The following KATNAL1 variants were observed in gnomAD, a reference collection of about 807,000 sequenced individuals.
KATNAL1 encodes the protein katanin catalytic subunit A1 like 1.
In KATNAL1, 32 loss-of-function variants were observed where a neutral mutation model predicts 55.2. That is an observed-to-expected ratio of 0.58 (90% CI 0.44 to 0.78). KATNAL1 has a LOEUF of 0.78. Ranked by LOEUF, KATNAL1 falls within the 30% of genes least tolerant of loss-of-function variation. KATNAL1 has a pLI of 0.00. For missense variants in KATNAL1, 466 were observed against 600.9 expected, an observed-to-expected ratio of 0.78 and a Z score of 2.35; for synonymous variants, 193 against 193.6, an observed-to-expected ratio of 1.00 and a Z score of 0.02.
chr13:30,281,156 C>A (rs118056972), intron 2 of KATNAL1, among the ~76,000 whole-genome samples: 2,945 of 134,422 alleles, frequency 0.022, 41 homozygotes, highest in Non-Finnish European at 0.034. Flanking sequence ...AAGAAAATTA[C>A]AATTATAAAT....
intron 3 of KATNAL1, among the ~76,000 whole-genome samples, chr13:30,263,901 A>G (rs1879520964): frequency 6.7e-6 from 1 of 150,290 alleles, no homozygotes; most frequent in Non-Finnish European, 1.5e-5. Flanking sequence ...GAACCAAAAA[A>G]GAGCCCACAT....
intron 4 of KATNAL1, among the ~76,000 whole-genome samples, chr13:30,248,154 G>T (rs1259050802): frequency 6.6e-6 from 1 of 152,106 alleles, no homozygotes; most frequent in African/African-American, 2.4e-5. Flanking sequence ...TCTAAGAAAA[G>T]TATGTGTATT....
chr13:30,301,454 ATTG>A (rs1342143372), intron 1 of KATNAL1, among the ~76,000 whole-genome samples: 2 of 152,258 alleles, frequency 1.3e-5, no homozygotes. Flanking sequence ...AGCGATGTTT[ATTG>A]AATGCTAACT....
intron 3 of KATNAL1, among the ~76,000 whole-genome samples, chr13:30,268,282 A>G (rs1879937555): frequency 6.6e-6 from 1 of 152,208 alleles, no homozygotes; most frequent in South Asian, 2.1e-4. Context: ...AACATTCTCA[A>G]CTTTACCACA....
At chr13:30,272,429 C>G (rs184115234) in intron 3 of KATNAL1, among the ~76,000 whole-genome samples, 1 of 151,908 alleles carries the variant, frequency 6.6e-6, no homozygotes. Context: ...AAAAAAGGGG[C>G]AGTGAAGGGC....
In KATNAL1 at chr13:30,227,472, C is replaced by G; in HGVS notation, c.1087G>C (p.Asp363His). The G allele has an allele frequency of 1.9e-6, 3 of 1,613,846 alleles. No individual in the cohort carries two copies. Among genetic ancestry groups the G allele is most frequent in the Non-Finnish European group, 2.5e-6 (3 of 1,179,836 alleles). ...MVLAATNFPW[D>H]IDEALRRRLE... ...CTTCTTCGCAAAGCTTCATCAATGT[C>G]CCACGGGAAATTAGTAGCAGCCAAT... Residue 363 changes from aspartate to histidine, a missense_variant, in exon 9 of 11, where the codon GAC (aspartate) becomes CAC (histidine). Around this residue, in one of 3 missense-constraint regions of KATNAL1, gnomAD observed 213 missense variants for 308.6 expected, o/e 0.69. Transcript: ENST00000380615.
At chr13:30,219,215 C>A (rs1874607749) in intron 9 of KATNAL1, among the ~76,000 whole-genome samples, 1 of 151,922 alleles carries the variant, frequency 6.6e-6, no homozygotes, top group Non-Finnish European at 1.5e-5. Flanking sequence ...CCTGGATTTC[C>A]AAAATCATTC....
At chr13:30,252,583 A>C (rs1413693781) in intron 4 of KATNAL1, among the ~76,000 whole-genome samples, 4 of 152,312 alleles carry the variant, frequency 2.6e-5, no homozygotes, top group African/African-American at 2.4e-5. Flanking sequence ...TTATCAAAAT[A>C]ATACTGTACT....
At chr13:30,222,298 C>G (rs1248717002) in intron 9 of KATNAL1, among the ~76,000 whole-genome samples, 4 of 152,164 alleles carry the variant, frequency 2.6e-5, no homozygotes, top group African/African-American at 9.7e-5. Context: ...AACACTGGCT[C>G]TCCCTGGGTC....
At chr13:30,302,033 G>A (rs887608591) in intron 1 of KATNAL1, among the ~76,000 whole-genome samples, 17 of 152,040 alleles carry the variant, frequency 1.1e-4, no homozygotes, top group Non-Finnish European at 2.4e-4. Flanking sequence ...AGCCACGCCT[G>A]GCTAATTTTT....
chr13:30,234,611 A>G (rs760572614), intron 6 of KATNAL1, among the ~76,000 whole-genome samples: 11 of 152,110 alleles, frequency 7.2e-5, no homozygotes, highest in Non-Finnish European at 1.3e-4. Context: ...AAACTCCTGA[A>G]CAAACTCATC....
At chr13:30,293,624 A>G (rs1882285216) in intron 1 of KATNAL1, among the ~76,000 whole-genome samples, 1 of 152,190 alleles carries the variant, frequency 6.6e-6, no homozygotes, top group African/African-American at 2.4e-5. Flanking sequence ...CACTACCACC[A>G]CAACAAAGGT....
intron 3 of KATNAL1, among the ~76,000 whole-genome samples, chr13:30,256,247 T>A (rs2137464446): frequency 6.6e-6 from 1 of 152,350 alleles, no homozygotes; most frequent in South Asian, 2.1e-4. Context: ...CAAATGTGAT[T>A]AAAAATTTTG....
intron 1 of KATNAL1, among the ~76,000 whole-genome samples, chr13:30,299,723 AC>A (rs962961554): frequency 3.3e-5 from 5 of 152,192 alleles, no homozygotes; most frequent in Admixed American, 2.6e-4. Flanking sequence ...TACAGTATTT[AC>A]TGCTGAACTG....
rs113251951 is a variant in KATNAL1 at position 30,268,569 on chromosome 13, A to T, written c.323+11494T>A. ...AACAAACAACAAACAGACTAATAAC[A>T]CAAGCCAGAAGACAAAATACTATTA... On this transcript the variant is annotated intron_variant, in intron 3 of 10. Transcript: ENST00000380615. Among the ~76,000 whole-genome samples the T allele has an allele frequency of 7.5e-3, 1,139 of 152,340 alleles. 8 individuals carry two copies. Among genetic ancestry groups the T allele is most frequent in the Middle Eastern group, 0.027 (8 of 294 alleles).
At chr13:30,219,542 T>A (rs574858536) in intron 9 of KATNAL1, among the ~76,000 whole-genome samples, 1 of 152,348 alleles carries the variant, frequency 6.6e-6, no homozygotes, top group Non-Finnish European at 1.5e-5. Context: ...AAGCAGTTCT[T>A]TAACAACAAG....
At chr13:30,248,975 C>T (rs747452211) in intron 4 of KATNAL1, among the ~76,000 whole-genome samples, 13 of 151,862 alleles carry the variant, frequency 8.6e-5, no homozygotes, top group South Asian at 2.1e-4. Context: ...AGGAGAATGG[C>T]GTGAACGCAG....
chr13:30,289,885 C>G (rs983821564), intron 1 of KATNAL1, among the ~76,000 whole-genome samples: 22 of 152,174 alleles, frequency 1.4e-4, no homozygotes, highest in African/African-American at 5.3e-4. Context: ...CATTCCAGCA[C>G]AAAAGCAGCC....
In KATNAL1 at chr13:30,208,709, C is replaced by T. The variant is rs746639490; in HGVS notation, c.1304G>A (p.Arg435His). 1.2e-5 allele frequency: 19 copies of T among 1,612,336 alleles called. 1 individual carries two copies. In the South Asian group the frequency reaches 1.4e-4, roughly 12 times the overall value. The change falls in exon 11 of 11, where the codon CGT becomes CAT. Residue 435 changes from arginine to histidine, a missense_variant. Transcript: ENST00000380615. The stretch of plus-strand genomic sequence containing the variant: ...TTCTTCTGGACTTAAGCCATTGATA[C>T]GCCGTCTCATTGCCATTAAAGAGGC... Reference protein sequence around the residue: ...RDASLMAMRRRINGLSPEEIR... With the variant: ...RDASLMAMRRHINGLSPEEIR...
Sources: allele counts gnomAD v4.1 joint callset (sites outside exome capture counted in the v4.1 genomes callset), GRCh38; gene constraint gnomAD v4.1.1; regional missense constraint gnomAD v4.1.1; transcripts MANE v1.5; gene names NCBI Gene and HGNC (gene_info 2026-07-23, HGNC 2026-07-21).